HS2ST1: variants seen among roughly 807,000 people sequenced by gnomAD.
The protein encoded by HS2ST1 is heparan sulfate 2-O-sulfotransferase 1.
Under a neutral mutation model 42.9 loss-of-function variants are expected in HS2ST1, and 18 were observed. The observed-to-expected ratio is 0.42, with a 90% CI of 0.29 to 0.62. HS2ST1 has a LOEUF of 0.62. Ranked by LOEUF, HS2ST1 falls within the 20% of genes least tolerant of loss-of-function variation. HS2ST1 has a pLI of 0.21. For synonymous variants in HS2ST1, 146 were observed against 152.9 expected, an observed-to-expected ratio of 0.95 and a Z score of 0.33; for missense variants, 334 against 433.8, an observed-to-expected ratio of 0.77 and a Z score of 2.04.
intron 1 of HS2ST1, among the ~76,000 whole-genome samples, chr1:86,996,110 G>C (rs1195523449): frequency 2.6e-5 from 4 of 152,060 alleles, no homozygotes; most frequent in Admixed American, 6.6e-5. Flanking sequence ...GTTTAATGCT[G>C]TGCAGAAAAG....
chr1:87,059,227 T>A (rs1388579330), intron 1 of HS2ST1, among the ~76,000 whole-genome samples: 1 of 152,234 alleles, frequency 6.6e-6, no homozygotes, highest in Non-Finnish European at 1.5e-5. Flanking sequence ...ATAATCATTA[T>A]GCTAGTATAT....
intron 1 of HS2ST1, among the ~76,000 whole-genome samples, chr1:87,004,707 G>A (rs778498613): frequency 6.6e-6 from 1 of 152,126 alleles, no homozygotes; most frequent in Non-Finnish European, 1.5e-5. Flanking sequence ...ATCCTTTCTA[G>A]AAATATTCAC....
At chr1:86,935,721 C>CTAGAA (rs1304216224) in intron 1 of HS2ST1, among the ~76,000 whole-genome samples, 3 of 152,056 alleles carry the variant, frequency 2.0e-5, no homozygotes, top group Non-Finnish European at 4.4e-5. Flanking sequence ...ACCTCGGCCT[C>CTAGAA]CTAAAGTGCT....
intron 1 of HS2ST1, chr1:87,046,541 A>G: frequency 6.4e-7 from 1 of 1,550,414 alleles, no homozygotes; most frequent in Non-Finnish European, 8.9e-7. Flanking sequence ...AGATGACATC[A>G]GGTATCTGTT....
chr1:87,042,771 G>A (rs1005533034), intron 1 of HS2ST1, among the ~76,000 whole-genome samples: 2 of 152,066 alleles, frequency 1.3e-5, no homozygotes, highest in Non-Finnish European at 2.9e-5. Context: ...GTCATCATTG[G>A]ATAGATTATA....
At chr1:87,071,892 A>G (rs556033130) in intron 1 of HS2ST1, among the ~76,000 whole-genome samples, 11 of 152,086 alleles carry the variant, frequency 7.2e-5, no homozygotes, top group African/African-American at 1.2e-4. Context: ...AGTACGTGCT[A>G]TATGTGTAAC....
intron 1 of HS2ST1, among the ~76,000 whole-genome samples, chr1:87,011,726 A>G (rs1328976289): frequency 6.6e-6 from 1 of 152,218 alleles, no homozygotes; most frequent in Non-Finnish European, 1.5e-5. Flanking sequence ...CATATTGAGC[A>G]CCTCTATTAG....
At chr1:86,967,942 A>T (rs984710157) in intron 1 of HS2ST1, among the ~76,000 whole-genome samples, 3 of 152,224 alleles carry the variant, frequency 2.0e-5, no homozygotes, top group African/African-American at 7.2e-5. Context: ...TGTTTTCACC[A>T]CATCCATGCC....
rs530721127 is a variant in HS2ST1 at position 86,984,920 on chromosome 1, A to G, written c.124+69760A>G. The stretch of plus-strand genomic sequence containing the variant: ...AATCTCCGTCTCAAAAAAAAAAAAA[A>G]AAAAGTTATGCCGTTTCTTACAGAT... On this transcript the variant is annotated intron_variant, in intron 1 of 6. Transcript: ENST00000370550. 2.7e-3 allele frequency among the ~76,000 whole-genome samples: 406 copies of G among 151,622 alleles called. 1 individual carries two copies. Among genetic ancestry groups the G allele is most frequent in the African/African-American group, 9.7e-3 (399 of 41,324 alleles).
chr1:87,041,666 C>T (rs1396158190), intron 1 of HS2ST1, among the ~76,000 whole-genome samples: 3 of 152,160 alleles, frequency 2.0e-5, no homozygotes, highest in Non-Finnish European at 4.4e-5. Context: ...TTAGACACTT[C>T]ATCAGTGGAG....
At chr1:86,963,559 T>TGAA (rs1647920252) in intron 1 of HS2ST1, among the ~76,000 whole-genome samples, 3 of 152,232 alleles carry the variant, frequency 2.0e-5, no homozygotes, top group African/African-American at 7.2e-5. Flanking sequence ...TACTTCTTTC[T>TGAA]ACACAGACAC....
At position 87,106,063 on chromosome 1, in the gene HS2ST1, G is replaced by A. The variant is rs906472888; in HGVS notation, c.*1367G>A. On this transcript the variant is annotated 3_prime_UTR_variant, in exon 7 of 7. Transcript: ENST00000370550. ...GGATTAAATGAGATGGCATGTGAAA[G>A]CACTTTGAAAATTGTAAAGCGCTAT... 6.6e-6 allele frequency: 1 copy of A among 152,464 alleles called. No homozygotes were observed. The highest frequency in any genetic ancestry group is 1.5e-5 in the Non-Finnish European group (1 of 67,936). 9.4% of individuals were successfully genotyped at this position (152,464 alleles called of 1,614,324 possible). A position where few individuals can be genotyped will look rare whatever the true frequency, so the allele number is the denominator to read the frequency against.
chr1:86,950,318 A>G (rs1007569807), intron 1 of HS2ST1, among the ~76,000 whole-genome samples: 1 of 152,184 alleles, frequency 6.6e-6, no homozygotes, highest in African/African-American at 2.4e-5. Context: ...AAATGCTAGT[A>G]GTTGGTATCA....
chr1:86,941,706 C>T (rs528785292), intron 1 of HS2ST1, among the ~76,000 whole-genome samples: 7 of 151,932 alleles, frequency 4.6e-5, no homozygotes, highest in Admixed American at 2.0e-4. Context: ...ACCCGGGAGA[C>T]GGAGGTTGCA....
intron 1 of HS2ST1, among the ~76,000 whole-genome samples, chr1:86,966,994 C>T (rs1329365825): frequency 2.0e-5 from 3 of 151,682 alleles, no homozygotes; most frequent in South Asian, 2.1e-4. Flanking sequence ...CAGGTTTAAG[C>T]GATTCTCCTG....
chr1:86,964,881 C>G (rs1478082457), intron 1 of HS2ST1, among the ~76,000 whole-genome samples: 1 of 152,146 alleles, frequency 6.6e-6, no homozygotes, highest in African/African-American at 2.4e-5. Flanking sequence ...TAGATACACT[C>G]TCTTCATATG....
intron 1 of HS2ST1, among the ~76,000 whole-genome samples, chr1:86,920,870 C>T (rs1039255690): frequency 6.6e-6 from 1 of 152,078 alleles, no homozygotes; most frequent in African/African-American, 2.4e-5. Flanking sequence ...GCCTCACTTA[C>T]CTAAAGACAT....
intron 5 of HS2ST1, among the ~76,000 whole-genome samples, chr1:87,099,519 A>G (rs576158943): frequency 1.3e-5 from 2 of 152,300 alleles, no homozygotes; most frequent in South Asian, 2.1e-4. Flanking sequence ...CCATGAGCCA[A>G]TCACCTCCCA....
intron 1 of HS2ST1, among the ~76,000 whole-genome samples, chr1:86,953,280 A>G (rs1433528343): frequency 6.6e-6 from 1 of 152,222 alleles, no homozygotes; most frequent in Admixed American, 6.5e-5. Flanking sequence ...AGTTTGATCT[A>G]TCAAGGTCAC....
Sources: allele counts gnomAD v4.1 joint callset (sites outside exome capture counted in the v4.1 genomes callset), GRCh38; gene constraint gnomAD v4.1.1; transcripts MANE v1.5; gene names NCBI Gene and HGNC (gene_info 2026-07-23, HGNC 2026-07-21).